The following UBR2 variants were observed in gnomAD, a reference collection of about 807,000 sequenced individuals.
UBR2 encodes the protein E3 ubiquitin-protein ligase UBR2.
In UBR2, 92 loss-of-function variants were observed where a neutral mutation model predicts 247.9. The observed-to-expected ratio is 0.37, with a 90% CI of 0.31 to 0.44. The LOEUF (loss-of-function observed/expected upper bound fraction) is 0.44, where lower values mean the gene tolerates loss of function less well. Ranked by LOEUF, UBR2 falls within the 20% of genes least tolerant of loss-of-function variation. The pLI, the probability that UBR2 is intolerant of heterozygous loss-of-function variation, is 1.00. For missense variants in UBR2, 1,613 were observed against 2,112.6 expected (o/e 0.76, Z 4.64); for synonymous variants, 672 against 693.5 (o/e 0.97, Z 0.49).
chr6:42,632,115 A>C (rs917828769), intron 11 of UBR2, among the ~76,000 whole-genome samples: 26 of 148,854 alleles, frequency 1.7e-4, no homozygotes, highest in African/African-American at 6.1e-4. Flanking sequence ...CACACACACA[A>C]ACAAAAAATA....
chr6:42,587,634 A>C lies in UBR2; in HGVS notation c.339-4517A>C, dbSNP rs536238042. On this transcript the variant is annotated intron_variant, in intron 2 of 46. Coordinates refer to ENST00000372901, the MANE Select transcript of UBR2 (RefSeq NM_001363705.2). ...CAGCCTCCCAAAGTTCTGGGATTAC[A>C]GGCATGAACCACCAAGCCCAGACTT... is the stretch of plus-strand genomic sequence containing the variant. 2.6e-5 allele frequency among the ~76,000 whole-genome samples: 4 copies of C among 152,338 alleles called. No individual in the cohort carries two copies. In the East Asian group the frequency reaches 5.8e-4, roughly 22 times the overall value.
At position 42,659,542 on chromosome 6, in the gene UBR2, CACACACACACACACACACACT is replaced by C. The variant is rs879891874; in HGVS notation, c.3243-98_3243-78del. 1.2e-3 allele frequency: 859 copies of C among 704,190 alleles called. 4 individuals are homozygous for C. The highest frequency in any genetic ancestry group is 2.2e-3 in the African/African-American group (118 of 54,546). 43.6% of individuals were successfully genotyped at this position (704,190 alleles called of 1,614,324 possible). A position where few individuals can be genotyped will look rare whatever the true frequency, so the allele number is the denominator to read the frequency against. On this transcript the variant is annotated intron_variant, in intron 29 of 46. Transcript: ENST00000372901. The surrounding 1 kb of genome is among the most constrained non-coding windows in gnomAD (Gnocchi z 4.3). ...ATATACACACACACACACACACACA[CACACACACACACACACACACT>C]ACACACACACACACATACCTGTAGT...
At chr6:42,652,386 T>A in intron 24 of UBR2, 105 bp from the exon 25 acceptor site, 4 of 1,273,310 alleles carry the variant, frequency 3.1e-6, no homozygotes, top group Non-Finnish European at 2.2e-6. Flanking sequence ...CTTTAAGGTG[T>A]GTGTTAATGA....
At chr6:42,636,183 T>G (rs10948042) in intron 14 of UBR2, among the ~76,000 whole-genome samples, 548 of 3,712 alleles carry the variant, frequency 0.15, 4 homozygotes, top group East Asian at 0.42. Flanking sequence ...TTTTTTTTTG[T>G]TTTTTTTTTT....
At chr6:42,640,432 GTGTA>G (rs1796368490) in intron 16 of UBR2, among the ~76,000 whole-genome samples, 162 bp downstream of exon 16, 1 of 107,568 alleles carries the variant, frequency 9.3e-6, no homozygotes, top group Non-Finnish European at 2.0e-5. Context: ...GTGTGTGTGT[GTGTA>G]TAGATACATA....
At position 42,676,880 on chromosome 6, in the gene UBR2, TA is replaced by T; in HGVS notation, c.4478+8del. On this transcript the variant is annotated splice_region_variant and intron_variant, in intron 40 of 46. Coordinates refer to ENST00000372901, the MANE Select transcript of UBR2 (RefSeq NM_001363705.2). ...TTCACCAGTATACGGGAAGGTGAGTTAGTTATCTTTACATAACGCATTTCCC... is the reference window on the plus strand; with the variant it reads ...TTCACCAGTATACGGGAAGGTGAGTTGTTATCTTTACATAACGCATTTCCC... The T allele has an allele frequency of 6.2e-7, 1 of 1,602,974 alleles. No homozygotes were observed. Among genetic ancestry groups the T allele is most frequent in the Non-Finnish European group, 8.5e-7 (1 of 1,170,126 alleles).
At chr6:42,661,878 G>T (rs1391311067) in intron 30 of UBR2, among the ~76,000 whole-genome samples, 1 of 152,192 alleles carries the variant, frequency 6.6e-6, no homozygotes, top group African/African-American at 2.4e-5. Context: ...GGAGGAATTG[G>T]AATATCTCAG....
At chr6:42,655,800 T>G (rs1797407547) in intron 26 of UBR2, 77 bp downstream of exon 26, 4 of 859,126 alleles carry the variant, frequency 4.7e-6, no homozygotes, top group Non-Finnish European at 6.9e-6. Flanking sequence ...CTCTTTTATT[T>G]GATCATATAG....
At position 42,637,564 on chromosome 6, in the gene UBR2, C is replaced by T. The variant is rs938342876; in HGVS notation, c.1858+370C>T. On this transcript the variant is annotated intron_variant, in intron 15 of 46. Transcript: ENST00000372901. ...CCAGCTTCAAAGTCTATGTTGTTAC[C>T]ATTCAAATTAATCTGTCACTTAAGC... 2.0e-5 allele frequency among the ~76,000 whole-genome samples: 3 copies of T among 152,212 alleles called. No individual in the cohort carries two copies. In the East Asian group the frequency reaches 5.8e-4, roughly 29 times the overall value.
At position 42,659,978 on chromosome 6, in the gene UBR2, A is replaced by G. The variant is rs1193991944; in HGVS notation, c.3442+123A>G. 7.4e-6 allele frequency: 7 copies of G among 942,688 alleles called. No individual in the cohort carries two copies. In the East Asian group the frequency reaches 7.9e-5, roughly 11 times the overall value. The allele number at this position is 942,688 out of a possible 1,614,324, so 58.4% of individuals were successfully genotyped here. A position where few individuals can be genotyped will look rare whatever the true frequency, so the allele number is the denominator to read the frequency against. On this transcript the variant is annotated intron_variant, in intron 30 of 46. Coordinates refer to ENST00000372901, the MANE Select transcript of UBR2 (RefSeq NM_001363705.2). This position sits in a 1 kb window ranked among gnomAD's most constrained non-coding sequence, Gnocchi z 4.3. ...CATGGACTTGGATGGTATCTTTGGC[A>G]GGTAACTTAGGCAGGAATTCCCCAC...
chr6:42,688,041 A>G (rs1050572320), intron 44 of UBR2, 175 bp from the exon 45 acceptor site: 9 of 650,656 alleles, frequency 1.4e-5, no homozygotes, highest in Non-Finnish European at 2.1e-5. Context: ...CTTTGTATAT[A>G]TGTGCAAGAT....
In UBR2 at chr6:42,592,897, G is replaced by A. The variant is rs143648829; in HGVS notation, c.417+668G>A. 4.1e-3 allele frequency among the ~76,000 whole-genome samples: 621 copies of A among 152,222 alleles called. 9 individuals carry two copies. Among genetic ancestry groups the A allele is most frequent in the African/African-American group, 0.014 (563 of 41,522 alleles). Reference sequence around the variant, plus strand: ...AATGAACTAAAACAGCTACGGGGCCGGGCGCAGTGGCTAATGCCTGTAATT... The same window carrying A: ...AATGAACTAAAACAGCTACGGGGCCAGGCGCAGTGGCTAATGCCTGTAATT... On this transcript the variant is annotated intron_variant, in intron 3 of 46. Transcript: ENST00000372901.
rs531304680 is a variant in UBR2 at position 42,641,069 on chromosome 6, T to C, written c.1921-513T>C. 3.0e-3 allele frequency among the ~76,000 whole-genome samples: 463 copies of C among 152,258 alleles called. 1 individual carries two copies. The highest frequency in any genetic ancestry group is 5.5e-3 in the Non-Finnish European group (377 of 68,004). On this transcript the variant is annotated intron_variant, in intron 16 of 46. Coordinates refer to ENST00000372901, the MANE Select transcript of UBR2 (RefSeq NM_001363705.2). Reference sequence around the variant, plus strand: ...TGTTAATCATGTGTAAAAAATACCTTCATAGCAACATTAGATTGGTGTTGA... The same window carrying C: ...TGTTAATCATGTGTAAAAAATACCTCCATAGCAACATTAGATTGGTGTTGA...
intron 1 of UBR2, 78 bp from the exon 2 acceptor site, chr6:42,573,656 T>C: frequency 2.2e-6 from 3 of 1,386,386 alleles, no homozygotes; most frequent in Non-Finnish European, 2.8e-6. Context: ...TTTTTGTACC[T>C]AAAAGAAAGT....
chr6:42,625,124 G>A (rs796538832), intron 11 of UBR2, among the ~76,000 whole-genome samples: 7 of 152,194 alleles, frequency 4.6e-5, no homozygotes, highest in African/African-American at 1.7e-4. Flanking sequence ...ATTTTGCAAA[G>A]GCACTTTACT....
At position 42,644,213 on chromosome 6, in the gene UBR2, G is replaced by T; in HGVS notation, c.2098-1G>T. 2 of 1,516,698 alleles carry T rather than the reference G, an allele frequency of 1.3e-6. No individual in the cohort carries two copies. Among genetic ancestry groups the T allele is most frequent in the Admixed American group, 2.2e-5 (1 of 45,502 alleles). 94.0% of individuals were successfully genotyped at this position (1,516,698 alleles called of 1,614,324 possible). On this transcript the variant is annotated splice_acceptor_variant, in intron 18 of 46. Transcript: ENST00000372901. LOFTEE classifies it high-confidence loss of function. The stretch of plus-strand genomic sequence containing the variant: ...TCTCAAACATTAAAAAAAAAAAAAA[G>T]ACAGGTGTCTCCATGATGGATCCAA...
chr6:42,678,352 G>A (rs1203273687), intron 40 of UBR2, among the ~76,000 whole-genome samples, 187 bp from the exon 41 acceptor site: 2 of 152,052 alleles, frequency 1.3e-5, no homozygotes, highest in East Asian at 3.9e-4. Flanking sequence ...TTTAATAACA[G>A]CATTGGAGGC....
chr6:42,606,569 A>G lies in UBR2; in HGVS notation c.802-20A>G. 6.2e-7 allele frequency: 1 copy of G among 1,604,894 alleles called. No homozygotes were observed. The highest frequency in any genetic ancestry group is 8.5e-7 in the Non-Finnish European group (1 of 1,174,388). On this transcript the variant is annotated intron_variant, in intron 6 of 46. Coordinates refer to ENST00000372901, the MANE Select transcript of UBR2 (RefSeq NM_001363705.2). ...ATTGAATACAATACTTTTACAGCTT[A>G]ATTTTAAATATCTTTACAGGGGCGT...
In UBR2 at chr6:42,648,277, G is replaced by C. The variant is rs944855690; in HGVS notation, c.2462+107G>C. On this transcript the variant is annotated intron_variant, in intron 22 of 46. Coordinates refer to ENST00000372901, the MANE Select transcript of UBR2 (RefSeq NM_001363705.2). ...ACTGAGAATGAAGTTGCAGCTTTCA[G>C]AGATTGACAGACATTTTCAAATTAT... 4 of 875,074 alleles carry C rather than the reference G, an allele frequency of 4.6e-6. No homozygotes were observed. The African/African-American group carries it at 6.7e-5, about 15-fold the overall frequency. 54.2% of individuals were successfully genotyped at this position (875,074 alleles called of 1,614,324 possible).
Sources: gnomAD v4.1 joint callset for allele counts (sites outside exome capture counted in the v4.1 genomes callset) on GRCh38, gnomAD v4.1.1 for gene constraint, Gnocchi (gnomAD v3.1) non-coding constraint, MANE v1.5 for transcripts, NCBI Gene and HGNC (gene_info 2026-07-23, HGNC 2026-07-21) for gene names.